NRG4: variants seen among roughly 807,000 people sequenced by gnomAD.
NRG4 encodes the protein neuregulin 4, also known as pro-neuregulin-4, membrane-bound isoform.
Under a neutral mutation model 15.0 loss-of-function variants are expected in NRG4, and 10 were observed. The ratio of observed to expected loss-of-function variants is 0.67; its 90% CI spans 0.41 to 1.13. NRG4 has a LOEUF of 1.13. Among genes scored for constraint, NRG4 ranks in the 50% most tolerant of loss-of-function variants. The pLI is 0.00. For synonymous variants in NRG4, 41 were observed against 50.1 expected (o/e 0.82, Z 0.77); for missense variants, 139 against 140.2 (o/e 0.99, Z 0.04).
At chr15:76,008,880 A>C (rs2141906751) in intron 3 of NRG4, among the ~76,000 whole-genome samples, 1 of 152,276 alleles carries the variant, frequency 6.6e-6, no homozygotes, top group South Asian at 2.1e-4. Context: ...CTGTTTTGCC[A>C]GTAATATTAA....
intron 3 of NRG4, among the ~76,000 whole-genome samples, chr15:75,985,851 CACAAG>C (rs1213170648): frequency 2.4e-4 from 36 of 152,086 alleles, no homozygotes; most frequent in Admixed American, 7.2e-4. Flanking sequence ...AGAAAAAAAT[CACAAG>C]ACAAGTGACA....
chr15:76,034,411 A>G (rs916412111), intron 5 of NRG4, among the ~76,000 whole-genome samples: 3 of 152,174 alleles, frequency 2.0e-5, no homozygotes, highest in Non-Finnish European at 4.4e-5. Context: ...AGGTCCTGCT[A>G]TAAGTCTCAG....
chr15:75,971,843 C>T (rs2033109792), intron 3 of NRG4, among the ~76,000 whole-genome samples: 1 of 152,120 alleles, frequency 6.6e-6, no homozygotes, highest in Admixed American at 6.5e-5. Context: ...GTGCACGTGC[C>T]TTTATAGTAG....
chr15:75,969,337 G>A (rs2141829527), intron 3 of NRG4: 1 of 380,958 alleles, frequency 2.6e-6, no homozygotes, highest in Non-Finnish European at 5.4e-6. Context: ...GTATTTGCCA[G>A]CTGCCTTCCA....
downstream of NRG4, chr15:75,936,987 T>G (rs2030410361): frequency 6.6e-6 from 1 of 152,212 alleles, no homozygotes; most frequent in African/African-American, 2.4e-5. Flanking sequence ...AAAATATATT[T>G]ATTAATGTTG....
At chr15:75,994,884 A>G (rs2034152820) in intron 3 of NRG4, among the ~76,000 whole-genome samples, 1 of 152,194 alleles carries the variant, frequency 6.6e-6, no homozygotes, top group Non-Finnish European at 1.5e-5. Flanking sequence ...ATTTATAAAG[A>G]AAAGAGAGGC....
rs57381862 is a variant in NRG4 at position 76,028,595 on chromosome 15, TA to T, written c.-57+7348del. On this transcript the variant is annotated intron_variant, in intron 5 of 8. Coordinates refer to the NRG4 transcript ENST00000563910. Reference sequence around the variant, plus strand: ...TAAAAGTAATTCTTCTCAAACTGTTTAAAAAAAAAAAAAAGTGATTCCAGCT... The same window carrying T: ...TAAAAGTAATTCTTCTCAAACTGTTTAAAAAAAAAAAAAGTGATTCCAGCT... Among the ~76,000 whole-genome samples, 459 of 140,750 alleles carry T rather than the reference TA, an allele frequency of 3.3e-3. 4 individuals are homozygous for T. Among genetic ancestry groups the T allele is most frequent in the Middle Eastern group, 0.015 (4 of 268 alleles). The allele number at this position is 140,750 out of a possible 152,430, so 92.3% of individuals were successfully genotyped here.
Position 75,987,248 on chromosome 15 carries a change from G to C in NRG4, c.104+21952C>G, listed in dbSNP as rs549752709. 4.6e-5 allele frequency among the ~76,000 whole-genome samples: 7 copies of C among 152,282 alleles called. No homozygotes were observed. The East Asian group carries it at 1.3e-3, about 29-fold the overall frequency. ...CATGGAGGTAACAGAGTAAAAGGCT[G>C]CTCCCAAAGGAGCTGCCAGAATGGC... is the stretch of plus-strand genomic sequence containing the variant. On this transcript the variant is annotated intron_variant, in intron 3 of 5. Coordinates refer to ENST00000394907, the MANE Select transcript of NRG4 (RefSeq NM_138573.4).
chr15:76,030,217 C>A (rs149133976), intron 5 of NRG4, among the ~76,000 whole-genome samples: 1 of 152,100 alleles, frequency 6.6e-6, no homozygotes, highest in Non-Finnish European at 1.5e-5. Flanking sequence ...CAAGATCACA[C>A]CACTGCACTC....
intron 3 of NRG4, among the ~76,000 whole-genome samples, chr15:75,967,131 A>T (rs2032835137): frequency 1.3e-5 from 2 of 151,548 alleles, no homozygotes; most frequent in Admixed American, 1.3e-4. Context: ...AAAAAAAAAA[A>T]AAAGTCTACA....
intron 1 of NRG4, among the ~76,000 whole-genome samples, chr15:76,058,762 C>T (rs898875674): frequency 6.6e-6 from 1 of 152,098 alleles, no homozygotes; most frequent in East Asian, 1.9e-4. Flanking sequence ...ATCGCAACAC[C>T]CTATAGGAAA....
intron 4 of NRG4, among the ~76,000 whole-genome samples, chr15:76,044,375 G>A (rs1834904705): frequency 6.6e-6 from 1 of 150,526 alleles, no homozygotes; most frequent in South Asian, 2.1e-4. Flanking sequence ...AAATGGTGCT[G>A]GGAAAACTGG....
intron 5 of NRG4, among the ~76,000 whole-genome samples, chr15:76,017,630 A>G (rs953480015): frequency 6.6e-6 from 1 of 152,112 alleles, no homozygotes; most frequent in Admixed American, 6.6e-5. Flanking sequence ...TGGGTTGAAA[A>G]TTCTTTTAAG....
At chr15:76,004,634 A>C (rs777593442) in intron 3 of NRG4, among the ~76,000 whole-genome samples, 11 of 151,976 alleles carry the variant, frequency 7.2e-5, no homozygotes, top group Non-Finnish European at 1.0e-4. Flanking sequence ...TTTACTATGA[A>C]TAAATCAATT....
intron 3 of NRG4, among the ~76,000 whole-genome samples, chr15:75,971,649 C>A (rs1420699530): frequency 6.6e-6 from 1 of 152,076 alleles, no homozygotes; most frequent in Non-Finnish European, 1.5e-5. Context: ...TATTGACTTA[C>A]AGAGATAAGT....
chr15:76,032,597 T>C (rs1353528253), intron 5 of NRG4, among the ~76,000 whole-genome samples: 1 of 152,228 alleles, frequency 6.6e-6, no homozygotes, highest in African/African-American at 2.4e-5. Flanking sequence ...ATAATTTTTC[T>C]ATAAACTACA....
intron 5 of NRG4, among the ~76,000 whole-genome samples, chr15:76,021,856 G>A (rs2454210): frequency 0.096 from 14,601 of 152,184 alleles, 1,724 homozygotes; most frequent in African/African-American, 0.29. Flanking sequence ...GTGGTCCCCA[G>A]TCTTTTTGGC....
rs117099899 is a variant in NRG4, at chr15:75,957,353, A to G, written c.252-1342T>C. 9.9e-3 allele frequency among the ~76,000 whole-genome samples: 1,510 copies of G among 152,304 alleles called. 23 individuals are homozygous for G. Among genetic ancestry groups the G allele is most frequent in the Middle Eastern group, 0.051 (15 of 294 alleles). On this transcript the variant is annotated intron_variant, in intron 4 of 5. Transcript: ENST00000394907. Reference sequence around the variant, plus strand: ...TAAAAGTTGTCTTCATCTTACCCTCATTCCTGAGAGATGTTTTCACTGCCA... The same window carrying G: ...TAAAAGTTGTCTTCATCTTACCCTCGTTCCTGAGAGATGTTTTCACTGCCA...
chr15:75,983,320 C>T (rs921820856), intron 3 of NRG4, among the ~76,000 whole-genome samples: 2 of 152,056 alleles, frequency 1.3e-5, no homozygotes, highest in East Asian at 1.9e-4. Flanking sequence ...CTAATAAAAA[C>T]CCTCAATAAA....
Sources: gnomAD v4.1 joint callset for allele counts (sites outside exome capture counted in the v4.1 genomes callset) on GRCh38, gnomAD v4.1.1 for gene constraint, MANE v1.5 for transcripts, NCBI Gene and HGNC (gene_info 2026-07-23, HGNC 2026-07-21) for gene names.